Variants in SLC9A9 observed in about 807,000 individuals in gnomAD.
SLC9A9 encodes the protein sodium/hydrogen exchanger 9.
SLC9A9 carries 62 observed loss-of-function variants against 77.8 expected under a neutral mutation model. The observed-to-expected ratio is 0.80, with a 90% CI of 0.65 to 0.98. The LOEUF is 0.98. Among genes scored for constraint, SLC9A9 ranks in the 50% least tolerant of loss-of-function variants. The pLI is 0.00. For missense variants in SLC9A9, 775 were observed against 774.9 expected (o/e 1.00, Z 0.00); for synonymous variants, 320 against 283.5 (o/e 1.13, Z -1.29).
chr3:143,302,555 C>T (rs564636605), intron 14 of SLC9A9, among the ~76,000 whole-genome samples: 6 of 151,566 alleles, frequency 4.0e-5, no homozygotes, highest in Admixed American at 3.9e-4. Context: ...GAGGAGAGAG[C>T]CCCTGAAACA....
At chr3:143,373,413 G>T (rs2033101011) in intron 13 of SLC9A9, among the ~76,000 whole-genome samples, 1 of 151,920 alleles carries the variant, frequency 6.6e-6, no homozygotes, top group African/African-American at 2.4e-5. Flanking sequence ...GTGTGTAAAG[G>T]CATACAGAGT....
intron 5 of SLC9A9, 33 bp from the exon 6 acceptor site, chr3:143,652,393 T>C (rs747141440): frequency 1.9e-5 from 30 of 1,552,210 alleles, no homozygotes; most frequent in Non-Finnish European, 2.6e-5. Flanking sequence ...GCAGGTTAGC[T>C]TGGATGCAGG....
Position 143,267,644 on chromosome 3 carries a change from C to T in SLC9A9, c.1711-715G>A, listed in dbSNP as rs181582238. ...CTGGGATTACAGGCGTCAGCCACCA[C>T]GCCTGGCCTCCTGTTACATTTTACC... On this transcript the variant is annotated intron_variant, in intron 15 of 15. Coordinates refer to ENST00000316549, the MANE Select transcript of SLC9A9 (RefSeq NM_173653.4). 1.2e-4 allele frequency among the ~76,000 whole-genome samples: 18 copies of T among 152,260 alleles called. No homozygotes were observed. In the East Asian group the frequency reaches 2.1e-3, roughly 18 times the overall value.
chr3:143,385,823 C>G (rs890569873), intron 12 of SLC9A9, among the ~76,000 whole-genome samples: 3 of 152,176 alleles, frequency 2.0e-5, no homozygotes, highest in Non-Finnish European at 4.4e-5. Context: ...GCTAGCCACC[C>G]TTTCTGCTCA....
At chr3:143,593,103 A>G (rs1174731519) in intron 6 of SLC9A9, among the ~76,000 whole-genome samples, 4 of 152,206 alleles carry the variant, frequency 2.6e-5, no homozygotes, top group African/African-American at 9.7e-5. Flanking sequence ...TTTGTCTAAG[A>G]TGGGTTAAAA....
chr3:143,738,578 A>G (rs576621517), intron 4 of SLC9A9, among the ~76,000 whole-genome samples: 123 of 152,236 alleles, frequency 8.1e-4, no homozygotes, highest in African/African-American at 2.9e-3. Flanking sequence ...CAGGTATCCA[A>G]CAATTAAATT....
chr3:143,793,672 T>C (rs2008286944), intron 4 of SLC9A9, among the ~76,000 whole-genome samples: 1 of 152,124 alleles, frequency 6.6e-6, no homozygotes, highest in African/African-American at 2.4e-5. Context: ...AAGTTCTGAG[T>C]TCTGTTTTGA....
intron 4 of SLC9A9, among the ~76,000 whole-genome samples, chr3:143,765,298 C>T (rs1205875765): frequency 6.6e-6 from 1 of 151,922 alleles, no homozygotes; most frequent in African/African-American, 2.4e-5. Context: ...CTTGGCCTCC[C>T]AAAGTGCTAG....
At chr3:143,584,631 A>C (rs1051482187) in intron 6 of SLC9A9, among the ~76,000 whole-genome samples, 7 of 152,332 alleles carry the variant, frequency 4.6e-5, no homozygotes, top group Admixed American at 3.3e-4. Context: ...TATTGGCACC[A>C]GTTCATTGAA....
chr3:143,312,532 G>A (rs140196823), intron 14 of SLC9A9, among the ~76,000 whole-genome samples: 1 of 152,336 alleles, frequency 6.6e-6, no homozygotes, highest in East Asian at 1.9e-4. Flanking sequence ...GGGTGAGATG[G>A]GATCCAGTGA....
chr3:143,275,653 T>C (rs942538044), intron 14 of SLC9A9, among the ~76,000 whole-genome samples: 8 of 152,324 alleles, frequency 5.3e-5, no homozygotes, highest in Non-Finnish European at 1.0e-4. Flanking sequence ...AATGACTTTT[T>C]CTATTTCTAG....
chr3:143,814,438 GGA>G (rs2008952009), intron 2 of SLC9A9, among the ~76,000 whole-genome samples: 1 of 152,108 alleles, frequency 6.6e-6, no homozygotes, highest in Non-Finnish European at 1.5e-5. Context: ...GCCCTACCAG[GGA>G]GAGAGACAAC....
At chr3:143,588,022 C>T (rs1445322833) in intron 6 of SLC9A9, among the ~76,000 whole-genome samples, 2 of 152,110 alleles carry the variant, frequency 1.3e-5, no homozygotes, top group Non-Finnish European at 2.9e-5. Flanking sequence ...CCAAAAGTAA[C>T]GTATCATAGG....
At chr3:143,650,919 A>G (rs190107124) in intron 6 of SLC9A9, among the ~76,000 whole-genome samples, 2 of 152,330 alleles carry the variant, frequency 1.3e-5, no homozygotes, top group Admixed American at 1.3e-4. Context: ...TTTTAATGGA[A>G]AACTACTGTG....
At chr3:143,638,172 G>A (rs1286342541) in intron 6 of SLC9A9, among the ~76,000 whole-genome samples, 1 of 152,146 alleles carries the variant, frequency 6.6e-6, no homozygotes, top group Admixed American at 6.5e-5. Flanking sequence ...AATGAAAAAG[G>A]ATAAACCTCA....
At chr3:143,273,051 G>A (rs1937940850) in intron 14 of SLC9A9, among the ~76,000 whole-genome samples, 1 of 152,220 alleles carries the variant, frequency 6.6e-6, no homozygotes. Context: ...AAAATACCTG[G>A]TGACATTGAT....
At chr3:143,673,773 G>GA (rs2039194391) in intron 5 of SLC9A9, among the ~76,000 whole-genome samples, 1 of 151,802 alleles carries the variant, frequency 6.6e-6, no homozygotes, top group Non-Finnish European at 1.5e-5. Flanking sequence ...GAAACATGGA[G>GA]AAAATATTCT....
intron 3 of SLC9A9, among the ~76,000 whole-genome samples, chr3:143,795,467 AC>A (rs2008360050): frequency 9.0e-6 from 1 of 111,224 alleles, no homozygotes; most frequent in Non-Finnish European, 2.1e-5. Context: ...TAGCATTAAA[AC>A]AACAACAACA....
rs60995925 is a variant in SLC9A9, at chr3:143,722,472, C to CAAAAAA, written c.534-29171_534-29166dup. 8.9e-3 allele frequency among the ~76,000 whole-genome samples: 522 copies of CAAAAAA among 58,334 alleles called. 77 individuals carry two copies. Among genetic ancestry groups the CAAAAAA allele is most frequent in the African/African-American group, 0.031 (426 of 13,874 alleles). 38.3% of individuals were successfully genotyped at this position (58,334 alleles called of 152,430 possible). A position where few individuals can be genotyped will look rare whatever the true frequency, so the allele number is the denominator to read the frequency against. ...TGGGCGACAGAGCGAGACTCCATCT[C>CAAAAAA]AAAAAAAAAAAAAAAAAAAAAAAGT... On this transcript the variant is annotated intron_variant, in intron 4 of 15. Coordinates refer to ENST00000316549, the MANE Select transcript of SLC9A9 (RefSeq NM_173653.4).
Sources: allele counts gnomAD v4.1 joint callset (sites outside exome capture counted in the v4.1 genomes callset), GRCh38; gene constraint gnomAD v4.1.1; transcripts MANE v1.5; gene names NCBI Gene and HGNC (gene_info 2026-07-23, HGNC 2026-07-21).